SPIDR: variants seen among roughly 807,000 people sequenced by gnomAD.
The protein encoded by SPIDR is scaffold protein involved in DNA repair.
SPIDR carries 93 observed loss-of-function variants against 104.6 expected under a neutral mutation model. The observed-to-expected ratio is 0.89, with a 90% CI of 0.75 to 1.06. The LOEUF is 1.06. Ranked by LOEUF, SPIDR falls within the 50% of genes least tolerant of loss-of-function variation. SPIDR has a pLI of 0.00. For synonymous variants in SPIDR, 431 were observed against 416.9 expected (o/e 1.03, Z -0.41); for missense variants, 1,154 against 1,111.2 (o/e 1.04, Z -0.55).
At chr8:47,577,263 A>G (rs1015707930) in intron 8 of SPIDR, among the ~76,000 whole-genome samples, 4 of 152,266 alleles carry the variant, frequency 2.6e-5, no homozygotes, top group African/African-American at 7.2e-5. Context: ...TTAAAATCCT[A>G]TAGCTGTCCT....
intron 5 of SPIDR, among the ~76,000 whole-genome samples, chr8:47,336,376 CAA>C (rs755745315): frequency 2.6e-5 from 4 of 152,144 alleles, no homozygotes; most frequent in African/African-American, 4.8e-5. Flanking sequence ...GTGACTGAGA[CAA>C]AGAGTATTGC....
intron 8 of SPIDR, among the ~76,000 whole-genome samples, chr8:47,559,174 GA>G (rs1421687845): frequency 6.6e-6 from 1 of 152,076 alleles, no homozygotes; most frequent in Non-Finnish European, 1.5e-5. Context: ...AATATAAAAG[GA>G]AAATAAAAAC....
At chr8:47,700,169 T>C (rs2079950908) in intron 11 of SPIDR, among the ~76,000 whole-genome samples, 1 of 152,244 alleles carries the variant, frequency 6.6e-6, no homozygotes, top group Admixed American at 6.5e-5. Context: ...GTATACTATT[T>C]CACTGTGTGG....
intron 5 of SPIDR, among the ~76,000 whole-genome samples, chr8:47,318,071 G>A (rs111672021): frequency 3.9e-5 from 6 of 152,050 alleles, no homozygotes; most frequent in South Asian, 2.1e-4. Flanking sequence ...CTCCTCACCA[G>A]CAACGGAACA....
chr8:47,736,202 C>T lies in SPIDR; in HGVS notation c.*752C>T, dbSNP rs1374001183. On this transcript the variant is annotated 3_prime_UTR_variant, in exon 20 of 20. Transcript: ENST00000297423. The stretch of plus-strand genomic sequence containing the variant: ...ACACTATAAAGATTTTGTTCCCTTC[C>T]TTATAGCAATATAATCATGACAGGC... The T allele has an allele frequency of 6.5e-6, 1 of 152,788 alleles. No homozygotes were observed. Among genetic ancestry groups the T allele is most frequent in the East Asian group, 1.9e-4 (1 of 5,206 alleles). 9.5% of individuals were successfully genotyped at this position (152,788 alleles called of 1,614,324 possible). A position where few individuals can be genotyped will look rare whatever the true frequency, so the allele number is the denominator to read the frequency against.
intron 5 of SPIDR, among the ~76,000 whole-genome samples, chr8:47,310,359 T>C (rs1216960392): frequency 6.8e-6 from 1 of 146,406 alleles, no homozygotes; most frequent in Non-Finnish European, 1.5e-5. Context: ...AAAAAGTCAC[T>C]ATGGATGTCA....
At chr8:47,691,286 G>A (rs1315474299) in intron 11 of SPIDR, among the ~76,000 whole-genome samples, 7 of 96,662 alleles carry the variant, frequency 7.2e-5, no homozygotes, top group Non-Finnish European at 1.5e-4. Context: ...GCAAGACTCC[G>A]TCTCAAAAAA....
intron 5 of SPIDR, among the ~76,000 whole-genome samples, chr8:47,338,929 A>G (rs1339431260): frequency 1.3e-5 from 2 of 152,184 alleles, no homozygotes; most frequent in Admixed American, 6.5e-5. Context: ...AGGTGAGAAT[A>G]GGGAATTACT....
At chr8:47,389,811 T>C (rs1250663176) in intron 5 of SPIDR, among the ~76,000 whole-genome samples, 2 of 152,004 alleles carry the variant, frequency 1.3e-5, no homozygotes, top group African/African-American at 4.8e-5. Flanking sequence ...ATGTGGTTGA[T>C]GTTTTTAAGG....
At chr8:47,569,077 A>G (rs558269211) in intron 8 of SPIDR, among the ~76,000 whole-genome samples, 1 of 152,346 alleles carries the variant, frequency 6.6e-6, no homozygotes, top group South Asian at 2.1e-4. Flanking sequence ...TAAAAGATGG[A>G]AAAAGATATT....
chr8:47,713,974 G>C (rs976897105), intron 16 of SPIDR, among the ~76,000 whole-genome samples: 1 of 152,166 alleles, frequency 6.6e-6, no homozygotes, highest in African/African-American at 2.4e-5. Flanking sequence ...AGACTACTTA[G>C]GTCAGGGATG....
chr8:47,347,792 C>T (rs1365073575), intron 5 of SPIDR, among the ~76,000 whole-genome samples: 1 of 151,680 alleles, frequency 6.6e-6, no homozygotes, highest in Admixed American at 6.6e-5. Context: ...GTTTGTTTTC[C>T]GTTTGCTTGG....
rs535253983 is a variant in SPIDR at position 47,542,383 on chromosome 8, G to GT, written c.1098-53427dup. 1.7e-4 allele frequency among the ~76,000 whole-genome samples: 26 copies of GT among 152,216 alleles called. No homozygotes were observed. In the East Asian group the frequency reaches 4.8e-3, roughly 28 times the overall value. ...CCTGTGAATGCCCAGAGTTGCGTGAGTGACTGGAGAGTGATAAGGGATCAG... is the reference window on the plus strand; with the variant it reads ...CCTGTGAATGCCCAGAGTTGCGTGAGTTGACTGGAGAGTGATAAGGGATCAG... On this transcript the variant is annotated intron_variant, in intron 8 of 19. Coordinates refer to ENST00000297423, the MANE Select transcript of SPIDR (RefSeq NM_001080394.4).
At chr8:47,601,095 A>G (rs1397328946) in intron 10 of SPIDR, among the ~76,000 whole-genome samples, 2 of 152,222 alleles carry the variant, frequency 1.3e-5, no homozygotes, top group African/African-American at 4.8e-5. Flanking sequence ...GTACTTTGGA[A>G]TACATGTGGT....
At chr8:47,317,816 T>C (rs1236637182) in intron 5 of SPIDR, among the ~76,000 whole-genome samples, 7 of 152,142 alleles carry the variant, frequency 4.6e-5, no homozygotes, top group African/African-American at 1.7e-4. Context: ...CAGCCTCCAC[T>C]GCTGATACTC....
At chr8:47,452,208 A>G (rs1244966474) in intron 8 of SPIDR, among the ~76,000 whole-genome samples, 2 of 152,294 alleles carry the variant, frequency 1.3e-5, no homozygotes, top group Admixed American at 1.3e-4. Context: ...ATCCTCAATA[A>G]TATTAACAGC....
intron 10 of SPIDR, among the ~76,000 whole-genome samples, chr8:47,607,059 T>TCA (rs1436550188): frequency 6.6e-6 from 1 of 152,238 alleles, no homozygotes; most frequent in Admixed American, 6.5e-5. Flanking sequence ...CTGCTTAGCA[T>TCA]CACATTTTCA....
At chr8:47,322,466 AG>A (rs2046850147) in intron 5 of SPIDR, among the ~76,000 whole-genome samples, 1 of 152,220 alleles carries the variant, frequency 6.6e-6, no homozygotes, top group African/African-American at 2.4e-5. Flanking sequence ...GTGGAGAAAT[AG>A]GAACACTTTT....
chr8:47,460,048 G>A (rs988097038), intron 8 of SPIDR, among the ~76,000 whole-genome samples: 1 of 152,040 alleles, frequency 6.6e-6, no homozygotes, highest in Admixed American at 6.6e-5. Context: ...CTTGTTTTGT[G>A]GCCTATCATA....
Sources: gnomAD v4.1 joint callset for allele counts (sites outside exome capture counted in the v4.1 genomes callset) on GRCh38, gnomAD v4.1.1 for gene constraint, MANE v1.5 for transcripts, NCBI Gene and HGNC (gene_info 2026-07-23, HGNC 2026-07-21) for gene names.